DMD: variants seen among roughly 807,000 people sequenced by gnomAD.
DMD encodes dystrophin, also known as mutant dystrophin.
Under a neutral mutation model 330.1 loss-of-function variants are expected in DMD, and 63 were observed. That is an observed-to-expected ratio of 0.19 (90% confidence interval 0.16 to 0.24). The LOEUF (loss-of-function observed/expected upper bound fraction) is 0.24, where lower values mean the gene tolerates loss of function less well. DMD is among the 10% of genes least tolerant of loss of function. The probability of loss-of-function intolerance (pLI) is 1.00; values close to 1 mark genes in which losing one functional copy is unlikely to be tolerated. For synonymous variants in DMD, 1,223 were observed against 959.8 expected, an observed-to-expected ratio of 1.27 and a Z score of -5.07; for missense variants, 3,344 against 2,684.1, an observed-to-expected ratio of 1.25 and a Z score of -5.43.
intron 60 of DMD, among the ~76,000 whole-genome samples, chrX:31,364,574 T>C (rs1161466783): frequency 8.9e-6 from 1 of 112,187 alleles, no homozygotes; most frequent in Non-Finnish European, 1.9e-5. Context: ...TTAAGAAAAT[T>C]AGCATTGATC....
At chrX:31,390,562 C>CA (rs780149314) in intron 60 of DMD, among the ~76,000 whole-genome samples, 75 of 110,509 alleles carry the variant, frequency 6.8e-4, no homozygotes, top group African/African-American at 2.4e-3. Context: ...GTTGATCAAA[C>CA]AAAAAAAACT....
chrX:32,174,767 T>C lies in DMD; in HGVS notation c.6438+42149A>G, dbSNP rs762694929. ...CCCTTCTATAGATATTTTTTTTTTT[T>C]CCTGGAAGGAGCTTCCAATTTCAAG... On this transcript the variant is annotated intron_variant, in intron 44 of 78. Transcript: ENST00000357033. Among the ~76,000 whole-genome samples, 4 of 110,657 alleles carry C rather than the reference T, an allele frequency of 3.6e-5. No homozygotes were observed. The South Asian group carries it at 1.1e-3, about 31-fold the overall frequency.
intron 60 of DMD, among the ~76,000 whole-genome samples, chrX:31,433,281 C>T (rs1196835874): frequency 5.4e-5 from 6 of 111,416 alleles, no homozygotes; most frequent in African/African-American, 2.0e-4. Context: ...GCCACGTTTT[C>T]TTTATCCAAT....
intron 2 of DMD, among the ~76,000 whole-genome samples, chrX:32,852,143 G>C (rs2081187980): frequency 9.0e-6 from 1 of 111,403 alleles, no homozygotes; most frequent in South Asian, 3.8e-4. Flanking sequence ...TCTTCCACTT[G>C]AGGAGAGGAT....
chrX:31,394,148 AATATT>A (rs1417071162), intron 60 of DMD, among the ~76,000 whole-genome samples: 1 of 112,533 alleles, frequency 8.9e-6, no homozygotes, highest in Non-Finnish European at 1.9e-5. Context: ...CCATCTCAAA[AATATT>A]AGATTATAAC....
chrX:33,239,967 T>C (rs1228416747), intron 1 of DMD, among the ~76,000 whole-genome samples: 1 of 111,227 alleles, frequency 9.0e-6, no homozygotes, highest in Non-Finnish European at 1.9e-5. Flanking sequence ...GTTACGTGTA[T>C]AAAGTGCAGG....
intron 60 of DMD, among the ~76,000 whole-genome samples, chrX:31,405,451 A>G (rs2061367041): frequency 8.9e-6 from 1 of 111,832 alleles, no homozygotes; most frequent in South Asian, 3.7e-4. Context: ...GATAATTTCC[A>G]GCAAAATCAA....
At chrX:31,349,839 CA>C (rs1190991033) in intron 60 of DMD, among the ~76,000 whole-genome samples, 80 of 111,858 alleles carry the variant, frequency 7.2e-4, no homozygotes, top group African/African-American at 2.5e-3. Context: ...AATCAGAACT[CA>C]GGGGGTAGTT....
At chrX:32,173,749 T>C (rs146677769) in intron 44 of DMD, among the ~76,000 whole-genome samples, 1,435 of 111,684 alleles carry the variant, frequency 0.013, 14 homozygotes, top group Middle Eastern at 0.032. Flanking sequence ...TACTTCCAAA[T>C]ATTTATATGT....
At chrX:31,790,395 C>T (rs1199970955) in intron 50 of DMD, among the ~76,000 whole-genome samples, 2 of 111,370 alleles carry the variant, frequency 1.8e-5, no homozygotes, top group Non-Finnish European at 3.8e-5. Flanking sequence ...ATAACAAGTT[C>T]GGATCCTTTC....
In DMD at chrX:31,272,242, C is replaced by T. The variant is rs1321810120; in HGVS notation, c.9225-11226G>A. The stretch of plus-strand genomic sequence containing the variant: ...TCTAAAAAGATGTGAATTTTAGCAT[C>T]TTCACTAAAATAAAGCCATACTTCA... On this transcript the variant is annotated intron_variant, in intron 62 of 78. Transcript: ENST00000357033. Among the ~76,000 whole-genome samples the T allele has an allele frequency of 5.3e-5, 6 of 112,270 alleles. No individual in the cohort carries two copies. In the East Asian group the frequency reaches 1.7e-3, roughly 31 times the overall value.
chrX:32,381,710 T>C (rs2097925693), intron 33 of DMD, among the ~76,000 whole-genome samples: 1 of 111,583 alleles, frequency 9.0e-6, no homozygotes, highest in South Asian at 3.7e-4. Flanking sequence ...TTAGAAAATA[T>C]AACTGGTAGA....
chrX:31,441,949 C>T (rs865841307), intron 60 of DMD, among the ~76,000 whole-genome samples: 1 of 112,142 alleles, frequency 8.9e-6, no homozygotes, highest in South Asian at 3.7e-4. Context: ...CTGCTAAAAA[C>T]ACTTTTTAAG....
At chrX:32,749,102 T>C (rs4829125) in intron 7 of DMD, among the ~76,000 whole-genome samples, 10,780 of 111,530 alleles carry the variant, frequency 0.097, 437 homozygotes, top group Admixed American at 0.2. Flanking sequence ...ATGGCACGAT[T>C]TCCCCCCTAC....
At chrX:32,793,601 GAAAT>G (rs1023719320) in intron 7 of DMD, among the ~76,000 whole-genome samples, 18 of 109,863 alleles carry the variant, frequency 1.6e-4, no homozygotes, top group Non-Finnish European at 2.8e-4. Context: ...TGATACCATA[GAAAT>G]AAAAAGTTCA....
intron 2 of DMD, among the ~76,000 whole-genome samples, chrX:33,008,856 G>A (rs868817388): frequency 0.11 from 6,293 of 54,751 alleles, 608 homozygotes; most frequent in Non-Finnish European, 0.14. Context: ...ATGTATACGT[G>A]TATATATACA....
chrX:32,459,134 C>T (rs1343534512), intron 25 of DMD, among the ~76,000 whole-genome samples: 1 of 110,492 alleles, frequency 9.1e-6, no homozygotes, highest in Non-Finnish European at 1.9e-5. Context: ...TAAAAATATT[C>T]CAAGAGGATA....
intron 53 of DMD, among the ~76,000 whole-genome samples, chrX:31,667,715 AGGCCAGGTACCCCAAT>A (rs1431375814): frequency 9.0e-6 from 1 of 111,295 alleles, no homozygotes; most frequent in Admixed American, 9.6e-5. Flanking sequence ...GGTGAGGGAT[AGGCCAGGTACCCCAAT>A]GTGACTGTTA....
intron 60 of DMD, among the ~76,000 whole-genome samples, chrX:31,383,786 G>T (rs973088320): frequency 8.9e-6 from 1 of 111,903 alleles, no homozygotes; most frequent in African/African-American, 3.3e-5. Flanking sequence ...GCTTCAGAGA[G>T]GAGTCTGATT....
Sources: allele counts gnomAD v4.1 joint callset (sites outside exome capture counted in the v4.1 genomes callset), GRCh38; gene constraint gnomAD v4.1.1; transcripts MANE v1.5; gene names NCBI Gene and HGNC (gene_info 2026-07-23, HGNC 2026-07-21).